The following KCNH8 variants were observed in gnomAD, a reference collection of about 807,000 sequenced individuals.
KCNH8 encodes the protein voltage-gated delayed rectifier potassium channel KCNH8.
In KCNH8, 70 loss-of-function variants were observed where a neutral mutation model predicts 103.6. That is an observed-to-expected ratio of 0.68 (90% confidence interval 0.56 to 0.82). KCNH8 has a LOEUF of 0.82. KCNH8 is among the 40% of genes least tolerant of loss of function. KCNH8 has a pLI of 0.00. For missense variants in KCNH8, 1,217 were observed against 1,329.9 expected (o/e 0.92, Z 1.32); for synonymous variants, 498 against 489.4 (o/e 1.02, Z -0.23).
chr3:19,357,261 C>A (rs2065892189), intron 5 of KCNH8, among the ~76,000 whole-genome samples: 1 of 151,836 alleles, frequency 6.6e-6, no homozygotes, highest in Admixed American at 6.6e-5. Context: ...CCCATTCCTT[C>A]ATTTCCACTG....
chr3:19,174,854 AGG>A (rs2063382402), intron 1 of KCNH8, among the ~76,000 whole-genome samples: 1 of 152,238 alleles, frequency 6.6e-6, no homozygotes, highest in African/African-American at 2.4e-5. Context: ...GTTTCAGAAA[AGG>A]AATATTTGAG....
chr3:19,462,271 G>A (rs1243488296), intron 11 of KCNH8, among the ~76,000 whole-genome samples: 1 of 152,162 alleles, frequency 6.6e-6, no homozygotes, highest in Non-Finnish European at 1.5e-5. Flanking sequence ...GTGTAAAAGT[G>A]TTCCTATTTC....
chr3:19,409,180 A>C (rs991846439), intron 7 of KCNH8, among the ~76,000 whole-genome samples: 1 of 152,198 alleles, frequency 6.6e-6, no homozygotes, highest in African/African-American at 2.4e-5. Context: ...TGTCAGAAAA[A>C]GGCTTACAAG....
chr3:19,236,629 A>G lies in KCNH8; in HGVS notation c.77-17025A>G, dbSNP rs376213246. On this transcript the variant is annotated intron_variant, in intron 1 of 15. Coordinates refer to ENST00000328405, the MANE Select transcript of KCNH8 (RefSeq NM_144633.3). Reference sequence around the variant, plus strand: ...TATGCCCTTTCCTCAGAATCTGGTAAAGGAAGATGTGGTATAAGTTTAAGA... The same window carrying G: ...TATGCCCTTTCCTCAGAATCTGGTAGAGGAAGATGTGGTATAAGTTTAAGA... Among the ~76,000 whole-genome samples the G allele has an allele frequency of 1.9e-3, 284 of 152,308 alleles. 4 individuals carry two copies. The highest frequency in any genetic ancestry group is 6.2e-3 in the African/African-American group (256 of 41,568).
At chr3:19,492,636 G>T (rs1281531031) in intron 11 of KCNH8, among the ~76,000 whole-genome samples, 3 of 151,996 alleles carry the variant, frequency 2.0e-5, no homozygotes, top group Non-Finnish European at 4.4e-5. Context: ...TGTTGTTGTT[G>T]TTGCTTAGAA....
chr3:19,153,831 A>T (rs1169147768), intron 1 of KCNH8, among the ~76,000 whole-genome samples: 1 of 151,616 alleles, frequency 6.6e-6, no homozygotes, highest in Admixed American at 6.6e-5. Context: ...ACGGGGTTTC[A>T]CCATCTTGGC....
intron 11 of KCNH8, among the ~76,000 whole-genome samples, chr3:19,504,802 C>T (rs1559362312): frequency 6.6e-6 from 1 of 151,896 alleles, no homozygotes; most frequent in Non-Finnish European, 1.5e-5. Flanking sequence ...AACTACCATT[C>T]AACTCAACAA....
intron 1 of KCNH8, among the ~76,000 whole-genome samples, chr3:19,201,536 C>A (rs1176702251): frequency 2.0e-5 from 3 of 151,992 alleles, no homozygotes; most frequent in Non-Finnish European, 4.4e-5. Flanking sequence ...AGTGGGGGAA[C>A]TTGAACATAC....
At position 19,513,193 on chromosome 3, in the gene KCNH8, G is replaced by A; in HGVS notation, c.2303G>A (p.Arg768Lys). The A allele has an allele frequency of 6.2e-7, 1 of 1,613,928 alleles. No homozygotes were observed. The highest frequency in any genetic ancestry group is 8.5e-7 in the Non-Finnish European group (1 of 1,179,966). Residue 768 changes from arginine (R) to lysine (K), a missense_variant, in exon 13 of 16, where the codon AGA (arginine) becomes AAA (lysine). This residue lies in a region of KCNH8 where 558 missense variants were observed against 495.8 expected (regional missense o/e 1.13). Coordinates refer to ENST00000328405, the MANE Select transcript of KCNH8 (RefSeq NM_144633.3). ...ACGGTGCCCTTTCACTCGCCTATCA[G>A]AGTCTCCAGGTCAAATTCCCCCAAA... is the stretch of plus-strand genomic sequence containing the variant. ...SGTVPFHSPIRVSRSNSPKTK... is the reference protein window; with the variant it reads ...SGTVPFHSPIKVSRSNSPKTK...
intron 1 of KCNH8, among the ~76,000 whole-genome samples, chr3:19,239,541 T>G (rs899621908): frequency 4.7e-4 from 71 of 152,342 alleles, no homozygotes; most frequent in African/African-American, 1.7e-3. Flanking sequence ...ATTATGGCTA[T>G]GCTATGATAA....
intron 11 of KCNH8, among the ~76,000 whole-genome samples, chr3:19,494,808 T>G (rs1284151932): frequency 2.6e-5 from 4 of 152,196 alleles, no homozygotes; most frequent in Non-Finnish European, 5.9e-5. Flanking sequence ...AACTAATTTA[T>G]ACTCTTACCA....
intron 11 of KCNH8, among the ~76,000 whole-genome samples, chr3:19,466,649 A>ATTTTTTTTT (rs869048680): frequency 2.0e-5 from 1 of 50,644 alleles, no homozygotes; most frequent in East Asian, 6.7e-4. Context: ...GTAGCAATAC[A>ATTTTTTTTT]TTTTTTTTTT....
chr3:19,479,866 A>G (rs897989270), intron 11 of KCNH8, among the ~76,000 whole-genome samples: 3 of 152,164 alleles, frequency 2.0e-5, no homozygotes, highest in African/African-American at 7.2e-5. Flanking sequence ...ATATGGAATG[A>G]TCTCTTTCTC....
rs189354744 is a variant in KCNH8 at position 19,348,242 on chromosome 3, T to A, written c.811+277T>A. ...TAAAAAAGATTTAACAGCTGTTTTG[T>A]TTGTACTCTCACATCCTTCATGATC... is the stretch of plus-strand genomic sequence containing the variant. On this transcript the variant is annotated intron_variant, in intron 5 of 15. Coordinates refer to ENST00000328405, the MANE Select transcript of KCNH8 (RefSeq NM_144633.3). Among the ~76,000 whole-genome samples the A allele has an allele frequency of 1.6e-3, 251 of 152,234 alleles. 1 individual carries two copies. Among genetic ancestry groups the A allele is most frequent in the African/African-American group, 5.7e-3 (236 of 41,578 alleles).
chr3:19,462,734 G>A (rs2067658485), intron 11 of KCNH8, among the ~76,000 whole-genome samples: 1 of 152,098 alleles, frequency 6.6e-6, no homozygotes, highest in Non-Finnish European at 1.5e-5. Context: ...TGTCCTGAAT[G>A]GTATTCCCTA....
At chr3:19,496,979 T>C (rs1289136288) in intron 11 of KCNH8, among the ~76,000 whole-genome samples, 1 of 152,000 alleles carries the variant, frequency 6.6e-6, no homozygotes, top group Non-Finnish European at 1.5e-5. Context: ...TTTGTGTGCA[T>C]AGAGGTATAT....
At chr3:19,258,519 G>A (rs2064375469) in intron 2 of KCNH8, among the ~76,000 whole-genome samples, 1 of 151,904 alleles carries the variant, frequency 6.6e-6, no homozygotes, top group Non-Finnish European at 1.5e-5. Flanking sequence ...ACTTTCTAAT[G>A]CCCAGTCAGA....
In KCNH8 at chr3:19,456,938, C is replaced by T; in HGVS notation, c.1996C>T (p.Gln666Ter). 1 of 1,612,336 alleles carries T rather than the reference C, an allele frequency of 6.2e-7. No individual in the cohort carries two copies. Among genetic ancestry groups the T allele is most frequent in the South Asian group, 1.1e-5 (1 of 91,038 alleles). ...EYAHKFVEDI[Q>*]HDLTYNLREG... is the part of the protein sequence containing the mutation. ...TGCTCACAAATTCGTGGAAGACATT[C>T]AGCATGACCTCACATACAACCTCCG... Residue 666 changes from glutamine to a stop codon, truncating the protein, a stop_gained, in exon 11 of 16, where the codon CAG becomes TAG. Coordinates refer to ENST00000328405, the MANE Select transcript of KCNH8 (RefSeq NM_144633.3). LOFTEE classifies it high-confidence loss of function.
At chr3:19,532,727 G>C (rs2069184528) in intron 15 of KCNH8, among the ~76,000 whole-genome samples, 1 of 152,166 alleles carries the variant, frequency 6.6e-6, no homozygotes, top group African/African-American at 2.4e-5. Flanking sequence ...AGAGATGATG[G>C]ATCTGTATCT....
Sources: gnomAD v4.1 joint callset for allele counts (sites outside exome capture counted in the v4.1 genomes callset) on GRCh38, gnomAD v4.1.1 for gene constraint, gnomAD v4.1.1 regional missense constraint, MANE v1.5 for transcripts, NCBI Gene and HGNC (gene_info 2026-07-23, HGNC 2026-07-21) for gene names.